Variants in BDH2 observed in about 807,000 individuals in gnomAD.
BDH2 encodes 3-hydroxybutyrate dehydrogenase 2, also known as dehydrogenase/reductase SDR family member 6.
Under a neutral mutation model 33.2 loss-of-function variants are expected in BDH2, and 24 were observed. That is an observed-to-expected ratio of 0.72 (90% CI 0.52 to 1.02). The LOEUF (loss-of-function observed/expected upper bound fraction) is 1.02. Ranked by LOEUF, BDH2 falls within the 50% of genes least tolerant of loss-of-function variation. The probability of loss-of-function intolerance (pLI) is 0.00; values close to 1 mark genes in which losing one functional copy is unlikely to be tolerated. For synonymous variants in BDH2, 81 were observed against 101.6 expected, an observed-to-expected ratio of 0.80 and a Z score of 1.22; for missense variants, 249 against 301.6, an observed-to-expected ratio of 0.83 and a Z score of 1.29.
At chr4:103,095,311 T>C in intron 2 of BDH2, 30 bp from the exon 3 acceptor site, 1 of 1,540,480 alleles carries the variant, frequency 6.5e-7, no homozygotes, top group Non-Finnish European at 9.0e-7. Flanking sequence ...AATAAATCCT[T>C]TGTTTACTTG....
At chr4:103,094,965 T>A (rs528832744) in intron 3 of BDH2, among the ~76,000 whole-genome samples, 55 of 152,296 alleles carry the variant, frequency 3.6e-4, no homozygotes, top group African/African-American at 1.1e-3. Context: ...ACTGAATCCC[T>A]CAAATGTGTT....
chr4:103,082,797 A>C, intron 8 of BDH2, 74 bp downstream of exon 8: 1 of 1,301,982 alleles, frequency 7.7e-7, no homozygotes, highest in Non-Finnish European at 1.1e-6. Flanking sequence ...GTCTCTATGA[A>C]TTTGTCTGCT....
At chr4:103,080,142 A>G (rs931491065) in intron 9 of BDH2, among the ~76,000 whole-genome samples, 3 of 152,250 alleles carry the variant, frequency 2.0e-5, no homozygotes, top group Non-Finnish European at 2.9e-5. Flanking sequence ...ACTTTTGAAC[A>G]TAAGTGTATC....
chr4:103,094,580 CAAA>C (rs1199736968), intron 3 of BDH2, among the ~76,000 whole-genome samples: 2 of 151,326 alleles, frequency 1.3e-5, no homozygotes, highest in African/African-American at 2.4e-5. Flanking sequence ...AATTATACCT[CAAA>C]GAAGAGAAAA....
At chr4:103,096,461 TA>T (rs1215770983) in intron 1 of BDH2, among the ~76,000 whole-genome samples, 187 bp from the exon 2 acceptor site, 2 of 151,998 alleles carry the variant, frequency 1.3e-5, no homozygotes, top group East Asian at 3.9e-4. Context: ...TTACTCTGCA[TA>T]CCTAGCTTTG....
chr4:103,096,136 G>A (rs56173334), intron 2 of BDH2, 47 bp downstream of exon 2: 34,373 of 1,408,842 alleles, frequency 0.024, 543 homozygotes, highest in Non-Finnish European at 0.03. Flanking sequence ...AATTCAATAT[G>A]TCAAGAGTTA....
chr4:103,089,374 T>TA (rs1345295660), intron 5 of BDH2, among the ~76,000 whole-genome samples: 1 of 152,210 alleles, frequency 6.6e-6, no homozygotes, highest in Non-Finnish European at 1.5e-5. Flanking sequence ...CTTCTGATGA[T>TA]AGAGTCCAAG....
intron 2 of BDH2, among the ~76,000 whole-genome samples, 198 bp downstream of exon 2, chr4:103,095,976 ATGAGGTATT>A (rs1748384944): frequency 1.3e-5 from 2 of 152,330 alleles, no homozygotes; most frequent in South Asian, 4.1e-4. Flanking sequence ...TGTACTAAAT[ATGAGGTATT>A]CATTCCTTCA....
chr4:103,092,663 T>C lies in BDH2; in HGVS notation c.185A>G (p.Lys62Arg), dbSNP rs754591254. Residue 62 changes from lysine (K) to arginine (R), a missense_variant, in exon 4 of 10, where the codon AAG becomes AGG. Lys to Arg is a conservative substitution (Grantham distance 26). Transcript: ENST00000296424. ...ATTGGCAAACTGATCAATTTGTTTC[T>C]TCTTTGTGACATCAAGGACACGAGT... ...IQTRVLDVTK[K>R]KQIDQFANEV... 1.9e-6 allele frequency: 3 copies of C among 1,612,984 alleles called. No individual in the cohort carries two copies. The highest frequency in any genetic ancestry group is 1.3e-5 in the African/African-American group (1 of 74,896).
chr4:103,095,339 A>ATGTTCCATTC, intron 2 of BDH2, 58 bp from the exon 3 acceptor site: 1 of 1,284,146 alleles, frequency 7.8e-7, no homozygotes. Context: ...TGTGCTCATG[A>ATGTTCCATTC]ATGGAACATC....
chr4:103,089,318 A>G (rs1334143693), intron 5 of BDH2, among the ~76,000 whole-genome samples: 3 of 152,246 alleles, frequency 2.0e-5, no homozygotes, highest in East Asian at 1.9e-4. Context: ...TGCCATCTCT[A>G]TGGCACATGG....
chr4:103,082,647 C>T (rs1022810736), intron 8 of BDH2, among the ~76,000 whole-genome samples: 1 of 152,050 alleles, frequency 6.6e-6, no homozygotes, highest in Non-Finnish European at 1.5e-5. Flanking sequence ...ACCTCAAACT[C>T]CTGGGCTCAA....
At chr4:103,099,527 C>T (rs1369182472) in intron 1 of BDH2, 1 of 152,102 alleles carries the variant, frequency 6.6e-6, no homozygotes, top group Non-Finnish European at 1.5e-5. Context: ...ACAGCATATT[C>T]AGGAAGCCAT....
At chr4:103,082,436 A>G (rs1747569240) in intron 8 of BDH2, among the ~76,000 whole-genome samples, 1 of 152,250 alleles carries the variant, frequency 6.6e-6, no homozygotes, top group Non-Finnish European at 1.5e-5. Context: ...GTGGTAAAGT[A>G]TACAGAATAT....
chr4:103,096,455 T>G (rs1285443755), intron 1 of BDH2, among the ~76,000 whole-genome samples, 181 bp from the exon 2 acceptor site: 3 of 152,066 alleles, frequency 2.0e-5, no homozygotes, highest in Admixed American at 6.5e-5. Context: ...GAATGCTTAC[T>G]CTGCATACCT....
chr4:103,096,698 G>A (rs1273084407), intron 1 of BDH2, among the ~76,000 whole-genome samples: 3 of 151,838 alleles, frequency 2.0e-5, no homozygotes, highest in East Asian at 1.9e-4. Flanking sequence ...CTGCCACCAC[G>A]CCCAGCCAAT....
Position 103,079,651 on chromosome 4 carries a change from C to T in BDH2, c.*51G>A, listed in dbSNP as rs1425149194. On this transcript the variant is annotated 3_prime_UTR_variant, in exon 10 of 10. Coordinates refer to ENST00000296424, the MANE Select transcript of BDH2 (RefSeq NM_020139.4). ...GGTGAGTTTTCTTCGTAACCAGGTT[C>T]ACTGTGGATAGGAAGGGCCTGCCTT... 6.4e-7 allele frequency: 1 copy of T among 1,558,646 alleles called. No individual in the cohort carries two copies. Among genetic ancestry groups the T allele is most frequent in the Admixed American group, 1.7e-5 (1 of 59,690 alleles).
At chr4:103,092,871 C>T (rs945697250) in intron 3 of BDH2, among the ~76,000 whole-genome samples, 175 bp from the exon 4 acceptor site, 4 of 152,090 alleles carry the variant, frequency 2.6e-5, no homozygotes, top group African/African-American at 9.7e-5. Flanking sequence ...ACTTAAAGTC[C>T]ATCTTGACTC....
chr4:103,090,881 AC>A (rs1001137854), intron 5 of BDH2, among the ~76,000 whole-genome samples: 4 of 151,844 alleles, frequency 2.6e-5, no homozygotes, highest in Non-Finnish European at 4.4e-5. Flanking sequence ...GTCCCATCTC[AC>A]CCCCAATAAT....
Sources: allele counts gnomAD v4.1 joint callset (sites outside exome capture counted in the v4.1 genomes callset), GRCh38; gene constraint gnomAD v4.1.1; transcripts MANE v1.5; gene names NCBI Gene and HGNC (gene_info 2026-07-23, HGNC 2026-07-21).